FGF14: variants seen among roughly 807,000 people sequenced by gnomAD.
FGF14 encodes the protein fibroblast growth factor 14, also known as fibroblast growth factor homologous factor 4.
FGF14 carries 5 observed loss-of-function variants against 25.5 expected under a neutral mutation model. That is an observed-to-expected ratio of 0.20 (90% CI 0.10 to 0.41). FGF14 has a LOEUF of 0.41. FGF14 is among the 10% of genes least tolerant of loss of function. The pLI is 1.00. For synonymous variants in FGF14, 138 were observed against 118.3 expected (o/e 1.17, Z -1.08); for missense variants, 222 against 320.1 (o/e 0.69, Z 2.34).
At position 101,736,767 on chromosome 13, in the gene FGF14, G is replaced by A. The variant is rs182079904; in HGVS notation, c.409-9957C>T. Among the ~76,000 whole-genome samples, 449 of 152,052 alleles carry A rather than the reference G, an allele frequency of 3.0e-3. 3 individuals carry two copies. Among genetic ancestry groups the A allele is most frequent in the African/African-American group, 0.01 (428 of 41,540 alleles). On this transcript the variant is annotated intron_variant, in intron 3 of 4. Coordinates refer to ENST00000376143, the MANE Select transcript of FGF14 (RefSeq NM_004115.4). ...TGCATTCCTTTTAACAGAATACAGT[G>A]CTGCAGGTGAATATCTTGATGAGAG...
intron 1 of FGF14, among the ~76,000 whole-genome samples, chr13:102,319,517 C>T (rs571786237): frequency 3.3e-5 from 5 of 152,316 alleles, no homozygotes; most frequent in Admixed American, 2.6e-4. Context: ...AGCATGGCTG[C>T]GCTATGGTGA....
At chr13:102,193,003 C>T (rs905436339) in intron 1 of FGF14, among the ~76,000 whole-genome samples, 1 of 152,188 alleles carries the variant, frequency 6.6e-6, no homozygotes, top group Non-Finnish European at 1.5e-5. Context: ...ACTTTTCCAT[C>T]CCCTATCCAT....
At chr13:102,114,841 G>A (rs373491245) in intron 1 of FGF14, among the ~76,000 whole-genome samples, 54 of 152,228 alleles carry the variant, frequency 3.5e-4, no homozygotes, top group African/African-American at 1.2e-3. Context: ...GGGGAGAGGA[G>A]AAGTTACTAA....
chr13:101,969,391 G>A (rs768985020), intron 1 of FGF14, among the ~76,000 whole-genome samples: 30 of 152,144 alleles, frequency 2.0e-4, no homozygotes, highest in African/African-American at 6.8e-4. Context: ...GTGAATCCCC[G>A]TCTCTACTAA....
chr13:101,983,968 C>G (rs550949018), intron 1 of FGF14, among the ~76,000 whole-genome samples: 1 of 152,162 alleles, frequency 6.6e-6, no homozygotes, highest in African/African-American at 2.4e-5. Context: ...GCTTTCCCAT[C>G]TATACTTTGG....
chr13:102,250,998 G>C (rs1037788463), intron 1 of FGF14, among the ~76,000 whole-genome samples: 1 of 152,116 alleles, frequency 6.6e-6, no homozygotes, highest in African/African-American at 2.4e-5. Flanking sequence ...TGGATAACCA[G>C]AACTTTCTCC....
chr13:102,228,609 G>GT (rs879816177), intron 1 of FGF14, among the ~76,000 whole-genome samples: 7 of 152,146 alleles, frequency 4.6e-5, no homozygotes, highest in Admixed American at 1.3e-4. Flanking sequence ...CCTTTGCTAA[G>GT]TTTTTTGTTA....
chr13:102,022,758 A>T (rs2040724650), intron 1 of FGF14, among the ~76,000 whole-genome samples: 1 of 152,142 alleles, frequency 6.6e-6, no homozygotes, highest in Non-Finnish European at 1.5e-5. Context: ...TTTAAACTAT[A>T]AAAAAGAGAA....
intron 3 of FGF14, among the ~76,000 whole-genome samples, chr13:101,793,185 C>G (rs751931912): frequency 7.2e-5 from 11 of 152,070 alleles, no homozygotes; most frequent in Non-Finnish European, 1.3e-4. Flanking sequence ...CTTCCACCCC[C>G]CAGCCTCTGG....
At chr13:102,387,483 A>T (rs868543530) in intron 1 of FGF14, among the ~76,000 whole-genome samples, 7 of 146,646 alleles carry the variant, frequency 4.8e-5, no homozygotes, top group South Asian at 2.2e-4. Context: ...CAAACTGGTT[A>T]AAAAAAAAAA....
intron 1 of FGF14, chr13:102,367,430 C>T (rs1299338822): frequency 6.6e-6 from 1 of 152,252 alleles, no homozygotes; most frequent in Non-Finnish European, 1.5e-5. Context: ...CACATGAAAA[C>T]ACCACTGTCT....
chr13:101,797,855 A>G (rs2040640748), intron 3 of FGF14, among the ~76,000 whole-genome samples: 1 of 151,848 alleles, frequency 6.6e-6, no homozygotes, highest in African/African-American at 2.4e-5. Flanking sequence ...AACCTTCAAA[A>G]AACCAAATAA....
At chr13:102,343,532 G>C (rs941265525) in intron 1 of FGF14, among the ~76,000 whole-genome samples, 1 of 152,222 alleles carries the variant, frequency 6.6e-6, no homozygotes, top group African/African-American at 2.4e-5. Context: ...TTACACAGAT[G>C]AATCACATAA....
intron 1 of FGF14, among the ~76,000 whole-genome samples, chr13:102,086,681 G>A (rs937642415): frequency 6.6e-6 from 1 of 152,138 alleles, no homozygotes; most frequent in Non-Finnish European, 1.5e-5. Context: ...TGCTAGAACC[G>A]CTATACAGTA....
chr13:102,008,019 C>T (rs780271318), intron 1 of FGF14, among the ~76,000 whole-genome samples: 4 of 152,162 alleles, frequency 2.6e-5, no homozygotes, highest in Non-Finnish European at 5.9e-5. Context: ...GACCAGGCTA[C>T]AGGTGAGAAT....
At chr13:101,980,893 T>C (rs1474748352) in intron 1 of FGF14, among the ~76,000 whole-genome samples, 2 of 151,916 alleles carry the variant, frequency 1.3e-5, no homozygotes, top group African/African-American at 4.8e-5. Context: ...TATTAGGAGG[T>C]AGAGTCGTTA....
In FGF14 at chr13:102,161,821, A is replaced by G. The variant is rs542794193; in HGVS notation, c.208+239650T>C. On this transcript the variant is annotated intron_variant, in intron 1 of 4. Transcript: ENST00000376131. The stretch of plus-strand genomic sequence containing the variant: ...TGCGTTCCCAATATAGTGCGCCTAG[A>G]AGATAATTAAAAAAAAAAAAAAACC... 1.2e-4 allele frequency among the ~76,000 whole-genome samples: 18 copies of G among 151,062 alleles called. No individual in the cohort carries two copies. In the South Asian group the frequency reaches 1.9e-3, roughly 16 times the overall value.
chr13:101,848,202 T>C (rs1259816923), intron 3 of FGF14, among the ~76,000 whole-genome samples: 1 of 152,034 alleles, frequency 6.6e-6, no homozygotes, highest in East Asian at 1.9e-4. Flanking sequence ...TATTATGCCA[T>C]TTTATCTTTT....
chr13:101,808,918 G>A (rs1431067372), intron 3 of FGF14, among the ~76,000 whole-genome samples: 5 of 152,046 alleles, frequency 3.3e-5, no homozygotes, highest in African/African-American at 1.2e-4. Flanking sequence ...ATATCATGTG[G>A]GAAATATAAG....
Sources: allele counts gnomAD v4.1 joint callset (sites outside exome capture counted in the v4.1 genomes callset), GRCh38; gene constraint gnomAD v4.1.1; transcripts MANE v1.5; gene names NCBI Gene and HGNC (gene_info 2026-07-23, HGNC 2026-07-21).